KALRN: variants seen among roughly 807,000 people sequenced by gnomAD.
The protein encoded by KALRN is kalirin RhoGEF kinase, also known as kalirin.
A neutral mutation model predicts 353.7 loss-of-function variants in KALRN; 70 were observed. That is an observed-to-expected ratio of 0.20 (90% CI 0.16 to 0.24). The LOEUF (loss-of-function observed/expected upper bound fraction) is 0.24, where lower values mean the gene tolerates loss of function less well. Ranked by LOEUF, KALRN falls within the 10% of genes least tolerant of loss-of-function variation. KALRN has a pLI of 1.00. For missense variants in KALRN, 2,791 were observed against 3,756.7 expected (o/e 0.74, Z 6.72); for synonymous variants, 1,391 against 1,434.8 (o/e 0.97, Z 0.69).
intron 1 of KALRN, among the ~76,000 whole-genome samples, chr3:124,136,024 C>A (rs2065879448): frequency 6.6e-6 from 1 of 152,152 alleles, no homozygotes; most frequent in Non-Finnish European, 1.5e-5. Context: ...TCTCACTTGC[C>A]TGCATACCCT....
At chr3:124,204,369 A>G (rs570042914) in intron 1 of KALRN, among the ~76,000 whole-genome samples, 1 of 152,358 alleles carries the variant, frequency 6.6e-6, no homozygotes, top group South Asian at 2.1e-4. Context: ...AGGTTTAGGA[A>G]CAAACTGCTG....
At chr3:124,509,284 C>T (rs1455493169) in intron 33 of KALRN, among the ~76,000 whole-genome samples, 1 of 152,216 alleles carries the variant, frequency 6.6e-6, no homozygotes, top group East Asian at 1.9e-4. Flanking sequence ...TCTCAGCTCA[C>T]TGCAACCTCC....
At chr3:124,717,914 C>T (rs1032284432) in intron 59 of KALRN, among the ~76,000 whole-genome samples, 3 of 151,910 alleles carry the variant, frequency 2.0e-5, no homozygotes, top group Admixed American at 1.3e-4. Context: ...CAGGTACCAG[C>T]GATTCTCCTG....
chr3:124,283,203 G>T (rs960622758), intron 5 of KALRN, among the ~76,000 whole-genome samples: 1 of 152,226 alleles, frequency 6.6e-6, no homozygotes, highest in Non-Finnish European at 1.5e-5. Context: ...CATTTTTGCA[G>T]TAACAATAAT....
At chr3:124,487,781 T>C (rs1431158311) in intron 28 of KALRN, among the ~76,000 whole-genome samples, 1 of 152,156 alleles carries the variant, frequency 6.6e-6, no homozygotes, top group East Asian at 1.9e-4. Flanking sequence ...TGCAGGGATA[T>C]TTGGGTACTG....
chr3:124,646,666 C>T (rs1019951518), intron 37 of KALRN, among the ~76,000 whole-genome samples: 6 of 150,100 alleles, frequency 4.0e-5, no homozygotes, highest in South Asian at 4.2e-4. Context: ...GTTGGGATTA[C>T]GGGCATGAGC....
At chr3:124,274,516 C>A (rs2074493268) in intron 5 of KALRN, among the ~76,000 whole-genome samples, 1 of 152,210 alleles carries the variant, frequency 6.6e-6, no homozygotes, top group African/African-American at 2.4e-5. Flanking sequence ...CAAAGCTATT[C>A]TGGAAAGGAG....
chr3:124,249,597 C>T (rs533694980), intron 3 of KALRN, among the ~76,000 whole-genome samples: 1 of 152,130 alleles, frequency 6.6e-6, no homozygotes, highest in Non-Finnish European at 1.5e-5. Flanking sequence ...CTAACATAGA[C>T]CCTGCCTGTG....
intron 10 of KALRN, among the ~76,000 whole-genome samples, chr3:124,352,613 A>G (rs767600311): frequency 3.9e-5 from 6 of 152,282 alleles, no homozygotes; most frequent in African/African-American, 7.2e-5. Context: ...GGGCACAATT[A>G]AGTACTTTAT....
intron 33 of KALRN, among the ~76,000 whole-genome samples, chr3:124,544,089 A>G (rs1561258187): frequency 2.0e-5 from 3 of 152,232 alleles, no homozygotes. Context: ...ACCTAAGCTT[A>G]TGTTAAATAC....
intron 1 of KALRN, among the ~76,000 whole-genome samples, chr3:124,167,393 GA>G (rs1425318982): frequency 6.6e-6 from 1 of 152,236 alleles, no homozygotes; most frequent in Non-Finnish European, 1.5e-5. Flanking sequence ...TTGTATGGAA[GA>G]GCACTGGACT....
At chr3:124,160,073 TC>T (rs1469703588) in intron 1 of KALRN, among the ~76,000 whole-genome samples, 2 of 151,612 alleles carry the variant, frequency 1.3e-5, no homozygotes, top group Non-Finnish European at 2.9e-5. Context: ...TTCATATCTA[TC>T]TGAAATCTTA....
chr3:124,412,455 G>A (rs2092244973), intron 13 of KALRN, among the ~76,000 whole-genome samples: 1 of 152,216 alleles, frequency 6.6e-6, no homozygotes, highest in Non-Finnish European at 1.5e-5. Context: ...CATCGGGGTA[G>A]CATGAGATAG....
rs575680994 is a variant in KALRN, at chr3:124,147,779, G to A, written c.74-80211G>A. On this transcript the variant is annotated intron_variant, in intron 1 of 59. Coordinates refer to ENST00000682506, the MANE Select transcript of KALRN (RefSeq NM_001388419.1). ...GAGGGAGAGGGTGGTTGGTCTAGAA[G>A]CCAGGTCATATCCAGAAATTCTAAG... Among the ~76,000 whole-genome samples, 46 of 152,304 alleles carry A rather than the reference G, an allele frequency of 3.0e-4. No homozygotes were observed. The East Asian group carries it at 7.7e-3, about 26-fold the overall frequency.
rs181120998 is a variant in KALRN, at chr3:124,085,179, G to A, written c.73+51366G>A. On this transcript the variant is annotated intron_variant, in intron 1 of 59. Coordinates refer to ENST00000682506, the MANE Select transcript of KALRN (RefSeq NM_001388419.1). ...AGGGATGGCTGACTTGAAAGCTAGTGTATCACAGTTCTTCCTGCCTTGTCC... is the reference window on the plus strand; with the variant it reads ...AGGGATGGCTGACTTGAAAGCTAGTATATCACAGTTCTTCCTGCCTTGTCC... Among the ~76,000 whole-genome samples, 22 of 152,334 alleles carry A rather than the reference G, an allele frequency of 1.4e-4. No individual in the cohort carries two copies. The East Asian group carries it at 2.9e-3, about 20-fold the overall frequency.
chr3:124,379,766 A>G (rs2087082589), intron 10 of KALRN, among the ~76,000 whole-genome samples: 1 of 152,206 alleles, frequency 6.6e-6, no homozygotes, highest in African/African-American at 2.4e-5. Flanking sequence ...TTCCTCACAC[A>G]TGGATTCTTT....
chr3:124,266,777 G>A (rs1293389442), intron 4 of KALRN, among the ~76,000 whole-genome samples: 1 of 152,172 alleles, frequency 6.6e-6, no homozygotes, highest in East Asian at 1.9e-4. Flanking sequence ...ATTTGGCTTG[G>A]TATAAAAACA....
chr3:124,441,722 A>G (rs1251035879), intron 18 of KALRN, among the ~76,000 whole-genome samples: 1 of 151,950 alleles, frequency 6.6e-6, no homozygotes, highest in Non-Finnish European at 1.5e-5. Flanking sequence ...GCTACTCAGG[A>G]GGCTGAGATG....
chr3:124,441,017 G>T (rs186806148), intron 18 of KALRN, among the ~76,000 whole-genome samples: 6 of 152,146 alleles, frequency 3.9e-5, no homozygotes, highest in Admixed American at 3.9e-4. Context: ...TCGTAAAGGG[G>T]GTAGGTAATA....
Sources: gnomAD v4.1 joint callset for allele counts (sites outside exome capture counted in the v4.1 genomes callset) on GRCh38, gnomAD v4.1.1 for gene constraint, MANE v1.5 for transcripts, NCBI Gene and HGNC (gene_info 2026-07-23, HGNC 2026-07-21) for gene names.